Variants in HSD17B11 observed in about 807,000 individuals in gnomAD.
HSD17B11 encodes the protein estradiol 17-beta-dehydrogenase 11.
Under a neutral mutation model 27.8 loss-of-function variants are expected in HSD17B11, and 22 were observed. That is an observed-to-expected ratio of 0.79 (90% CI 0.56 to 1.13). The LOEUF (loss-of-function observed/expected upper bound fraction) is 1.13. Among genes scored for constraint, HSD17B11 ranks in the 50% most tolerant of loss-of-function variants. The probability of loss-of-function intolerance (pLI) is 0.00; values close to 1 mark genes in which losing one functional copy is unlikely to be tolerated. For synonymous variants in HSD17B11, 117 were observed against 132.8 expected, an observed-to-expected ratio of 0.88 and a Z score of 0.82; for missense variants, 314 against 351.1, an observed-to-expected ratio of 0.89 and a Z score of 0.84.
chr4:87,362,522 T>C (rs1047884654), intron 4 of HSD17B11, among the ~76,000 whole-genome samples: 2 of 152,102 alleles, frequency 1.3e-5, no homozygotes, highest in Non-Finnish European at 2.9e-5. Flanking sequence ...CGAGACTCCA[T>C]CTCAAAAATA....
rs1720022343 is a variant in HSD17B11, at chr4:87,378,890, AT to A, written c.318+3364del. Among the ~76,000 whole-genome samples, 10 of 10,800 alleles carry A rather than the reference AT, an allele frequency of 9.3e-4. 1 individual carries two copies. The highest frequency in any genetic ancestry group is 1.4e-3 in the Non-Finnish European group (10 of 7,368). The allele number at this position is 10,800 out of a possible 152,430, so 7.1% of individuals were successfully genotyped here. On this transcript the variant is annotated intron_variant, in intron 2 of 6. Transcript: ENST00000358290. ...TAAATATATATATATAAATATATAT[AT>A]ATAAATATATATAAATATATATATA...
intron 1 of HSD17B11, chr4:87,386,052 T>C (rs1300238644): frequency 6.6e-6 from 1 of 152,202 alleles, no homozygotes; most frequent in Non-Finnish European, 1.5e-5. Flanking sequence ...TATTACTGGT[T>C]GGCTTTCTGT....
At chr4:87,366,902 T>A (rs1735621838) in intron 4 of HSD17B11, among the ~76,000 whole-genome samples, 1 of 152,098 alleles carries the variant, frequency 6.6e-6, no homozygotes, top group African/African-American at 2.4e-5. Flanking sequence ...TTAACTGAAT[T>A]AACTGAACCA....
intron 4 of HSD17B11, among the ~76,000 whole-genome samples, chr4:87,363,749 G>C (rs75536429): frequency 0.032 from 4,881 of 152,270 alleles, 100 homozygotes; most frequent in Middle Eastern, 0.071. Context: ...ACACTGCCCA[G>C]ACCTGTAGCT....
At chr4:87,346,210 A>G (rs1042322860) in intron 5 of HSD17B11, among the ~76,000 whole-genome samples, 6 of 152,262 alleles carry the variant, frequency 3.9e-5, no homozygotes, top group Admixed American at 2.6e-4. Context: ...CGCATTTGAC[A>G]TGATACAACG....
chr4:87,367,969 A>G (rs1735638757), intron 4 of HSD17B11, among the ~76,000 whole-genome samples: 1 of 152,228 alleles, frequency 6.6e-6, no homozygotes, highest in Admixed American at 6.5e-5. Context: ...CAGGCTTACT[A>G]AATGTTTTCT....
intron 4 of HSD17B11, among the ~76,000 whole-genome samples, chr4:87,365,460 GTTTC>G (rs1388827976): frequency 3.9e-5 from 6 of 152,152 alleles, no homozygotes; most frequent in Non-Finnish European, 7.3e-5. Context: ...AGGACAAACT[GTTTC>G]TTTAACTTTT....
In HSD17B11 at chr4:87,372,580, A is replaced by T. The variant is rs1342225532; in HGVS notation, c.557+129T>A. ...AACTCTTTCTGCTTATTTTTTGACA[A>T]CTCTCAATAATAAACTGGAAAACTT... is the stretch of plus-strand genomic sequence containing the variant. On this transcript the variant is annotated intron_variant, in intron 4 of 6. Coordinates refer to ENST00000358290, the MANE Select transcript of HSD17B11 (RefSeq NM_016245.5). 7 of 609,422 alleles carry T rather than the reference A, an allele frequency of 1.1e-5. No individual in the cohort carries two copies. In the East Asian group the frequency reaches 2.0e-4, roughly 17 times the overall value. 37.8% of individuals were successfully genotyped at this position (609,422 alleles called of 1,614,324 possible).
chr4:87,379,907 ATAT>A (rs1266293107), intron 2 of HSD17B11, among the ~76,000 whole-genome samples: 2 of 136,818 alleles, frequency 1.5e-5, no homozygotes, highest in Non-Finnish European at 1.5e-5. Context: ...TCATATATAC[ATAT>A]TATATTATAT....
chr4:87,389,702 T>C (rs1341752459), intron 1 of HSD17B11, among the ~76,000 whole-genome samples: 1 of 152,198 alleles, frequency 6.6e-6, no homozygotes, highest in Non-Finnish European at 1.5e-5. Flanking sequence ...CTTTGAATTA[T>C]TGTTTACAGC....
chr4:87,372,008 C>T (rs56878407), intron 4 of HSD17B11, among the ~76,000 whole-genome samples: 53,690 of 151,904 alleles, frequency 0.35, 10,657 homozygotes, highest in African/African-American at 0.52. Flanking sequence ...TTTGGTAGGC[C>T]GAGGCGGGCG....
In HSD17B11 at chr4:87,357,949, A is replaced by ATTTTTTTTTTTTTT. The variant is rs57139706; in HGVS notation, c.558-547_558-534dup. Among the ~76,000 whole-genome samples, 126 of 80,238 alleles carry ATTTTTTTTTTTTTT rather than the reference A, an allele frequency of 1.6e-3. 15 individuals are homozygous for ATTTTTTTTTTTTTT. Among genetic ancestry groups the ATTTTTTTTTTTTTT allele is most frequent in the Non-Finnish European group, 2.2e-3 (92 of 41,336 alleles). The allele number at this position is 80,238 out of a possible 152,430, so 52.6% of individuals were successfully genotyped here. On this transcript the variant is annotated intron_variant, in intron 4 of 6. Transcript: ENST00000358290. ...TTGTAACTGAACATTCATTAGAGAA[A>ATTTTTTTTTTTTTT]TTTTTTTTTTTTTTTTTTTTTTTTT...
Position 87,378,819 on chromosome 4 carries a change from AATATATATATAAATATATATATAT to A in HSD17B11, c.318+3412_318+3435del, listed in dbSNP as rs1398060298. Among the ~76,000 whole-genome samples, 5 of 40,474 alleles carry A rather than the reference AATATATATATAAATATATATATAT, an allele frequency of 1.2e-4. 2 individuals carry two copies. Among genetic ancestry groups the A allele is most frequent in the African/African-American group, 8.2e-4 (5 of 6,114 alleles). The allele number at this position is 40,474 out of a possible 152,430, so 26.6% of individuals were successfully genotyped here. A position where few individuals can be genotyped will look rare whatever the true frequency, so the allele number is the denominator to read the frequency against. The stretch of plus-strand genomic sequence containing the variant: ...ATTTTATATATATATATAAATATAA[AATATATATATAAATATATATATAT>A]AAATATATATATAAATATATATAAA... On this transcript the variant is annotated intron_variant, in intron 2 of 6. Coordinates refer to ENST00000358290, the MANE Select transcript of HSD17B11 (RefSeq NM_016245.5).
chr4:87,376,691 T>C (rs747871945), intron 2 of HSD17B11, among the ~76,000 whole-genome samples: 1 of 152,104 alleles, frequency 6.6e-6, no homozygotes, highest in Non-Finnish European at 1.5e-5. Flanking sequence ...AAAATGGTTA[T>C]GTGGAAGGGC....
At chr4:87,371,079 A>G (rs10012256) in intron 4 of HSD17B11, among the ~76,000 whole-genome samples, 19,131 of 151,882 alleles carry the variant, frequency 0.13, 1,345 homozygotes, top group East Asian at 0.31. Context: ...TTTACAGATG[A>G]GGGAAATGAA....
chr4:87,378,918 AAATATATATAAATATATATAT>A (rs1720039027), intron 2 of HSD17B11, among the ~76,000 whole-genome samples: 1 of 13,996 alleles, frequency 7.1e-5, no homozygotes, highest in African/African-American at 5.2e-4. Context: ...ATATATATAT[AAATATATATAAATATATATAT>A]ATATATATTT....
chr4:87,374,986 C>T (rs573253925), intron 2 of HSD17B11, among the ~76,000 whole-genome samples, 156 bp from the exon 3 acceptor site: 3 of 152,190 alleles, frequency 2.0e-5, no homozygotes, highest in African/African-American at 4.8e-5. Flanking sequence ...CTCCACCTCC[C>T]GGGTTCAAGA....
chr4:87,354,949 C>CAAAAAAAAAAAAAAAAAAAAAAAAAAAA (rs11305478), intron 5 of HSD17B11, among the ~76,000 whole-genome samples: 1 of 91,926 alleles, frequency 1.1e-5, no homozygotes, highest in Non-Finnish European at 2.1e-5. Context: ...TCCTGGCTCT[C>CAAAAAAAAAAAAAAAAAAAAAAAAAAAA]AAAAAAAAAA....
chr4:87,357,948 A>ATTT lies in HSD17B11; in HGVS notation c.558-533_558-532insAAA, dbSNP rs748955521. Reference sequence around the variant, plus strand: ...TTTGTAACTGAACATTCATTAGAGAAATTTTTTTTTTTTTTTTTTTTTTTT... The same window carrying ATTT: ...TTTGTAACTGAACATTCATTAGAGAATTTATTTTTTTTTTTTTTTTTTTTTTTT... On this transcript the variant is annotated intron_variant, in intron 4 of 6. Transcript: ENST00000358290. 1.7e-3 allele frequency among the ~76,000 whole-genome samples: 169 copies of ATTT among 97,354 alleles called. 7 individuals carry two copies. Among genetic ancestry groups the ATTT allele is most frequent in the African/African-American group, 5.4e-3 (120 of 22,288 alleles). The allele number at this position is 97,354 out of a possible 152,430, so 63.9% of individuals were successfully genotyped here. A position where few individuals can be genotyped will look rare whatever the true frequency, so the allele number is the denominator to read the frequency against.
Sources: gnomAD v4.1 joint callset for allele counts (sites outside exome capture counted in the v4.1 genomes callset) on GRCh38, gnomAD v4.1.1 for gene constraint, MANE v1.5 for transcripts, NCBI Gene and HGNC (gene_info 2026-07-23, HGNC 2026-07-21) for gene names.